The following ICE2 variants were observed in gnomAD, a reference collection of about 807,000 sequenced individuals.
ICE2 encodes little elongation complex subunit 2.
In ICE2, 87 loss-of-function variants were observed where a neutral mutation model predicts 105.4. The ratio of observed to expected loss-of-function variants is 0.83; its 90% confidence interval spans 0.69 to 0.99. ICE2 has a LOEUF of 0.99. Ranked by LOEUF, ICE2 falls within the 50% of genes least tolerant of loss-of-function variation. The pLI, the probability that ICE2 is intolerant of heterozygous loss-of-function variation, is 0.00. For missense variants in ICE2, 1,323 were observed against 1,146.7 expected, an observed-to-expected ratio of 1.15 and a Z score of -2.22; for synonymous variants, 399 against 392.0, an observed-to-expected ratio of 1.02 and a Z score of -0.21.
chr15:60,437,675 A>G (rs1050064535), intron 12 of ICE2: 1 of 151,832 alleles, frequency 6.6e-6, no homozygotes, highest in Non-Finnish European at 1.5e-5. Context: ...TTTTTAAGAC[A>G]GAGTCTTGCT....
chr15:60,437,852 G>T (rs2063631323), intron 12 of ICE2: 1 of 150,992 alleles, frequency 6.6e-6, no homozygotes, highest in African/African-American at 2.4e-5. Flanking sequence ...GGTACAGATG[G>T]AGTTTCATCA....
At position 60,455,427 on chromosome 15, in the gene ICE2, C is replaced by A. The variant is rs776845058; in HGVS notation, c.682G>T (p.Val228Leu). ...GGCATTGAGGGAAATACTGTTTTCA[C>A]ATATTTTACACTGCCCTAAATATGA... ...TLLALGSVKY[V>L]KTVFPSMPIK... Residue 228 changes from valine (V) to leucine (L), a missense_variant, in exon 7 of 16, where the codon GTG becomes TTG. By Grantham distance (32) the Val-to-Leu change is conservative. Transcript: ENST00000261520. The A allele has an allele frequency of 1.9e-6, 3 of 1,610,038 alleles. No homozygotes were observed. The East Asian group carries it at 6.7e-5, about 36-fold the overall frequency.
Position 60,468,312 on chromosome 15 carries a change from C to G in ICE2, c.157G>C (p.Glu53Gln). 5 of 1,601,056 alleles carry G rather than the reference C, an allele frequency of 3.1e-6. No individual in the cohort carries two copies. The highest frequency in any genetic ancestry group is 4.3e-6 in the Non-Finnish European group (5 of 1,170,374). ...GAACTTGCTGAGGCATTCAAATTTT[C>G]TCCTATACGTCTGGAAAACAAAATA... ...LRVLSNRRIG[E>Q]NLNASASSVE... The change falls in exon 4 of 16, where the codon GAA becomes CAA. Residue 53 changes from glutamate (E) to glutamine (Q), a missense_variant. Coordinates refer to ENST00000261520, the MANE Select transcript of ICE2 (RefSeq NM_024611.6).
intron 9 of ICE2, among the ~76,000 whole-genome samples, chr15:60,450,090 A>G (rs1442586376): frequency 2.0e-5 from 3 of 152,222 alleles, no homozygotes; most frequent in Admixed American, 2.0e-4. Flanking sequence ...GAAATGGAAT[A>G]TTTACAAACT....
intron 1 of ICE2, among the ~76,000 whole-genome samples, chr15:60,478,395 C>A (rs968859460): frequency 6.6e-6 from 1 of 152,210 alleles, no homozygotes; most frequent in African/African-American, 2.4e-5. Context: ...CATTCCCTTA[C>A]TGCCAAAATA....
At chr15:60,432,410 G>A in intron 13 of ICE2, among the ~76,000 whole-genome samples, 1 of 151,496 alleles carries the variant, frequency 6.6e-6, no homozygotes, top group East Asian at 1.9e-4. Context: ...GGCTGGTCTT[G>A]AATTCCTGAC....
chr15:60,475,303 G>A (rs914443370), intron 3 of ICE2, among the ~76,000 whole-genome samples: 6 of 152,134 alleles, frequency 3.9e-5, no homozygotes, highest in African/African-American at 1.4e-4. Flanking sequence ...TCACTTAATA[G>A]TCATTAAATA....
chr15:60,429,223 A>T (rs2063403047), intron 14 of ICE2, among the ~76,000 whole-genome samples: 2 of 152,270 alleles, frequency 1.3e-5, no homozygotes, highest in Non-Finnish European at 2.9e-5. Flanking sequence ...GCTAGCAGGT[A>T]TTAAATGTTT....
intron 3 of ICE2, among the ~76,000 whole-genome samples, chr15:60,472,051 AT>A (rs1163414136): frequency 1.3e-5 from 2 of 152,042 alleles, no homozygotes; most frequent in African/African-American, 4.8e-5. Flanking sequence ...AGAAACTTTA[AT>A]TAAAAAAAAA....
chr15:60,436,680 T>C (rs1355230448), intron 12 of ICE2, among the ~76,000 whole-genome samples: 2 of 134,788 alleles, frequency 1.5e-5, no homozygotes, highest in Admixed American at 8.4e-5. Context: ...ACTGCACCAC[T>C]GTACTCCAGC....
chr15:60,446,515 C>G (rs916382632), intron 11 of ICE2, among the ~76,000 whole-genome samples: 1 of 152,186 alleles, frequency 6.6e-6, no homozygotes, highest in African/African-American at 2.4e-5. Flanking sequence ...CCAGCCTCAG[C>G]CTCCCACGTA....
At chr15:60,441,770 T>C (rs1043874303) in intron 12 of ICE2, 1 of 152,204 alleles carries the variant, frequency 6.6e-6, no homozygotes, top group Non-Finnish European at 1.5e-5. Context: ...ATGTTAACTG[T>C]ACATGAAATG....
Position 60,479,034 on chromosome 15 carries a change from G to T in ICE2, c.-124C>A. ...GTCCGCGGCGGCTCTTGCCCAGGCC[G>T]CAGCCACACACCACACACGCTCCAC... is the stretch of plus-strand genomic sequence containing the variant. On this transcript the variant is annotated 5_prime_UTR_variant, in exon 1 of 16. It introduces an in-frame stop codon into an upstream open reading frame of the 5' UTR. Transcript: ENST00000261520. The T allele has an allele frequency of 2.2e-6, 1 of 455,930 alleles. No homozygotes were observed. Among genetic ancestry groups the T allele is most frequent in the Non-Finnish European group, 4.4e-6 (1 of 226,720 alleles). 28.2% of individuals were successfully genotyped at this position (455,930 alleles called of 1,614,324 possible).
At position 60,449,432 on chromosome 15, in the gene ICE2, T is replaced by C; in HGVS notation, c.1535A>G (p.Asp512Gly). 1 of 1,614,018 alleles carries C rather than the reference T, an allele frequency of 6.2e-7. No homozygotes were observed. The highest frequency in any genetic ancestry group is 8.5e-7 in the Non-Finnish European group (1 of 1,179,968). ...CTGAGAATTTTCTAACTGTAAGGCA[T>C]CAGATGTTTTCAAGTCACTATCTTG... ...LIQDSDLKTS[D>G]ALQLENSQEI... The change falls in exon 10 of 16, where the codon GAT becomes GGT. Residue 512 changes from aspartate (D) to glycine (G), a missense_variant. Asp to Gly is a moderately conservative substitution (Grantham distance 94). Transcript: ENST00000261520.
intron 11 of ICE2, among the ~76,000 whole-genome samples, chr15:60,446,646 C>T (rs999144648): frequency 1.2e-4 from 18 of 152,124 alleles, no homozygotes; most frequent in African/African-American, 4.1e-4. Context: ...CTGCCCACCT[C>T]GGCCTCCCAA....
chr15:60,471,060 A>T (rs1164091030), intron 3 of ICE2, among the ~76,000 whole-genome samples: 2 of 152,196 alleles, frequency 1.3e-5, no homozygotes, highest in African/African-American at 4.8e-5. Flanking sequence ...CAAAAATTCC[A>T]AAAGATGACA....
rs200787694 is a variant in ICE2, at chr15:60,449,734, G to C, written c.1233C>G (p.Thr411=). ...CTGGACTTGGTGATTTTGATACTTT[G>C]GTGGTGGTTACTCCAAAAGTTTCAA... is the stretch of plus-strand genomic sequence containing the variant. The part of the protein sequence containing the change: ...TELETFGVTT[T]KVSKSPSPAS... Residue 411 remains threonine, a synonymous_variant, in exon 10 of 16, where the codon ACC becomes ACG. Transcript: ENST00000261520. 1.5e-5 allele frequency: 25 copies of C among 1,614,074 alleles called. No homozygotes were observed. The highest frequency in any genetic ancestry group is 1.3e-4 in the Admixed American group (8 of 60,014).
intron 3 of ICE2, among the ~76,000 whole-genome samples, chr15:60,470,862 T>G (rs191103858): frequency 2.7e-4 from 41 of 152,254 alleles, no homozygotes; most frequent in African/African-American, 9.6e-4. Flanking sequence ...ATTAATTTCA[T>G]TTTAAGCTAG....
rs779717082 is a variant in ICE2, at chr15:60,428,559, C to T, written c.2690G>A (p.Gly897Asp). 9.9e-6 allele frequency: 16 copies of T among 1,613,934 alleles called. No individual in the cohort carries two copies. The African/African-American group carries it at 1.3e-4, about 13-fold the overall frequency. Residue 897 changes from glycine (G) to aspartate (D), a missense_variant, in exon 15 of 16, where the codon GGT becomes GAT. Transcript: ENST00000261520. ...GGGAACTGAGAGACTGGAAGGTACACCAGGAAGGCCGCAATGTGTTTTATA... is the reference window on the plus strand; with the variant it reads ...GGGAACTGAGAGACTGGAAGGTACATCAGGAAGGCCGCAATGTGTTTTATA... The part of the protein sequence containing the change: ...NLYKTHCGLP[G>D]VPSSLSVPWV...
Sources: gnomAD v4.1 joint callset for allele counts (sites outside exome capture counted in the v4.1 genomes callset) on GRCh38, gnomAD v4.1.1 for gene constraint, MANE v1.5 for transcripts, NCBI Gene and HGNC (gene_info 2026-07-23, HGNC 2026-07-21) for gene names.